The following CRBN variants were observed in gnomAD, a reference collection of about 807,000 sequenced individuals.
CRBN encodes the protein protein cereblon.
A neutral mutation model predicts 62.2 loss-of-function variants in CRBN; 53 were observed. That is an observed-to-expected ratio of 0.85 (90% CI 0.68 to 1.07). The LOEUF (loss-of-function observed/expected upper bound fraction) is 1.07. Among genes scored for constraint, CRBN ranks in the 50% least tolerant of loss-of-function variants. CRBN has a pLI of 0.00. For synonymous variants in CRBN, 208 were observed against 176.1 expected, an observed-to-expected ratio of 1.18 and a Z score of -1.43; for missense variants, 616 against 531.1, an observed-to-expected ratio of 1.16 and a Z score of -1.57.
chr3:3,153,779 T>C (rs1706745388), intron 8 of CRBN, 181 bp downstream of exon 8: 1 of 637,924 alleles, frequency 1.6e-6, no homozygotes, highest in Non-Finnish European at 2.8e-6. Flanking sequence ...ACTAAGTTGA[T>C]AAATGTATTC....
At chr3:3,178,898 T>G (rs966687040) in intron 1 of CRBN, among the ~76,000 whole-genome samples, 1 of 152,138 alleles carries the variant, frequency 6.6e-6, no homozygotes, top group African/African-American at 2.4e-5. Flanking sequence ...TTTTTTTTTT[T>G]GTTCAGTATT....
At chr3:3,179,581 G>A in intron 1 of CRBN, 40 bp downstream of exon 1, 1 of 1,595,574 alleles carries the variant, frequency 6.3e-7, no homozygotes, top group Non-Finnish European at 8.6e-7. Flanking sequence ...TCCGAGCCTC[G>A]CCCCACTCCC....
At chr3:3,168,904 CA>C (rs1707468082) in intron 4 of CRBN, among the ~76,000 whole-genome samples, 1 of 152,108 alleles carries the variant, frequency 6.6e-6, no homozygotes, top group South Asian at 2.1e-4. Flanking sequence ...AAATTATGGT[CA>C]AGTGTTCTTA....
chr3:3,150,884 TTGTC>T lies in CRBN; in HGVS notation c.1306_1309del (p.Asp436LysfsTer2), dbSNP rs1423184599. On this transcript the variant is annotated frameshift_variant, in exon 11 of 11. Transcript: ENST00000231948. LOFTEE classifies it high-confidence loss of function. ...ATCTGTTTACAAGCAAAGTATTACT[TTGTC>T]TGGACTTATTTCATCTTCAGTGTCT... The T allele has an allele frequency of 3.7e-6, 6 of 1,613,702 alleles. No homozygotes were observed. Among genetic ancestry groups the T allele is most frequent in the Admixed American group, 1.7e-5 (1 of 59,924 alleles).
chr3:3,150,518 A>ATT lies in CRBN; in HGVS notation c.*345_*346dup, dbSNP rs11320492. On this transcript the variant is annotated 3_prime_UTR_variant, in exon 11 of 11. Coordinates refer to ENST00000231948, the MANE Select transcript of CRBN (RefSeq NM_016302.4). ...CAGTTTCACATTGTAGGAATTTAAG[A>ATT]TTTTTTTTTTTTTTAACACAGGAAA... 30 of 186,080 alleles carry ATT rather than the reference A, an allele frequency of 1.6e-4. 1 individual carries two copies. Among genetic ancestry groups the ATT allele is most frequent in the South Asian group, 3.8e-4 (4 of 10,406 alleles). The allele number at this position is 186,080 out of a possible 1,614,324, so 11.5% of individuals were successfully genotyped here.
In CRBN at chr3:3,178,010, AAAC is replaced by A. The variant is rs1707895452; in HGVS notation, c.67+1608_67+1610del. ...TTTCTGAAAAACAAAAAACAAAACA[AAAC>A]AAACAAAAAAAAAACAAACAAAAAA... is the stretch of plus-strand genomic sequence containing the variant. On this transcript the variant is annotated intron_variant, in intron 1 of 10. Transcript: ENST00000231948. 1.4e-5 allele frequency among the ~76,000 whole-genome samples: 2 copies of A among 141,604 alleles called. 1 individual carries two copies. Among genetic ancestry groups the A allele is most frequent in the African/African-American group, 4.9e-5 (2 of 40,868 alleles). 92.9% of individuals were successfully genotyped at this position (141,604 alleles called of 152,430 possible). A position where few individuals can be genotyped will look rare whatever the true frequency, so the allele number is the denominator to read the frequency against.
chr3:3,163,921 T>C (rs1258187082), intron 5 of CRBN, among the ~76,000 whole-genome samples: 2 of 152,240 alleles, frequency 1.3e-5, no homozygotes, highest in Admixed American at 6.5e-5. Context: ...GCCTGTGCCA[T>C]ATTTTGGTAA....
At chr3:3,172,054 T>C (rs1707639900) in intron 4 of CRBN, 1 of 152,250 alleles carries the variant, frequency 6.6e-6, no homozygotes, top group South Asian at 2.1e-4. Flanking sequence ...AACTGGACTT[T>C]TTTGTGTCTG....
rs1289368172 is a variant in CRBN, at chr3:3,174,069, G to C, written c.367C>G (p.Leu123Val). Reference sequence around the variant, plus strand: ...ACTCTAATATTTTACCTGTATGCAAGAACAGCAAAGGTTCTATCTTTCTGA... The same window carrying C: ...ACTCTAATATTTTACCTGTATGCAACAACAGCAAAGGTTCTATCTTTCTGA... ...LIQKDRTFAV[L>V]AYSNVQEREA... The change falls in exon 3 of 11, where the codon CTT (leucine) becomes GTT (valine). Residue 123 changes from leucine to valine, a missense_variant. Transcript: ENST00000231948. 1.2e-6 allele frequency: 2 copies of C among 1,613,882 alleles called. No individual in the cohort carries two copies. Among genetic ancestry groups the C allele is most frequent in the Non-Finnish European group, 1.7e-6 (2 of 1,179,770 alleles).
intron 6 of CRBN, chr3:3,155,713 C>G (rs559305543): frequency 6.4e-6 from 1 of 155,508 alleles, no homozygotes; most frequent in African/African-American, 2.4e-5. Flanking sequence ...AAAACCAAAA[C>G]AGTAAAATAT....
In CRBN at chr3:3,172,870, G is replaced by C; in HGVS notation, c.433C>G (p.Arg145Gly). 6.2e-7 allele frequency: 1 copy of C among 1,613,176 alleles called. No homozygotes were observed. Among genetic ancestry groups the C allele is most frequent in the Non-Finnish European group, 8.5e-7 (1 of 1,179,258 alleles). Reference protein sequence around the residue: ...FGTTAEIYAYREEQDFGIEIV... With the variant: ...FGTTAEIYAYGEEQDFGIEIV... ...TCAATTCCAAAATCCTGTTCTTCTCGATAGGCATATATCTCTGCTGTTGTT... is the reference window on the plus strand; with the variant it reads ...TCAATTCCAAAATCCTGTTCTTCTCCATAGGCATATATCTCTGCTGTTGTT... Residue 145 changes from arginine to glycine, a missense_variant, in exon 4 of 11, where the codon CGA becomes GGA. Arg to Gly is a moderately radical substitution (Grantham distance 125). Coordinates refer to ENST00000231948, the MANE Select transcript of CRBN (RefSeq NM_016302.4).
intron 5 of CRBN, among the ~76,000 whole-genome samples, chr3:3,162,376 A>C (rs1275223797): frequency 6.6e-6 from 1 of 152,036 alleles, no homozygotes; most frequent in African/African-American, 2.4e-5. Context: ...ACAGTAAACC[A>C]GTGAATAGAG....
intron 8 of CRBN, 69 bp downstream of exon 8, chr3:3,153,891 C>G (rs1575081296): frequency 2.0e-6 from 2 of 977,674 alleles, no homozygotes; most frequent in Admixed American, 3.5e-5. Flanking sequence ...TCCATTGGCC[C>G]CAACAGAGCA....
At position 3,150,920 on chromosome 3, in the gene CRBN, G is replaced by T. The variant is rs566932471; in HGVS notation, c.1274C>A (p.Thr425Lys). The T allele has an allele frequency of 6.2e-7, 1 of 1,613,932 alleles. No individual in the cohort carries two copies. The highest frequency in any genetic ancestry group is 8.5e-7 in the Non-Finnish European group (1 of 1,179,936). Reference sequence around the variant, plus strand: ...TATTTCATCTTCAGTGTCTGGGATCGTGGGCAACAGAGCAGATCGCGTTAA... The same window carrying T: ...TATTTCATCTTCAGTGTCTGGGATCTTGGGCAACAGAGCAGATCGCGTTAA... The part of the protein sequence containing the change: ...WGLTRSALLP[T>K]IPDTEDEISP... Residue 425 changes from threonine to lysine, a missense_variant, in exon 11 of 11, where the codon ACG becomes AAG. Thr to Lys is a moderately conservative substitution (Grantham distance 78, BLOSUM62 -1). Coordinates refer to ENST00000231948, the MANE Select transcript of CRBN (RefSeq NM_016302.4).
chr3:3,153,845 A>C, intron 8 of CRBN, 115 bp downstream of exon 8: 1 of 712,124 alleles, frequency 1.4e-6, no homozygotes, highest in Non-Finnish European at 2.6e-6. Context: ...TTGAAATCTG[A>C]ATTGCATGAC....
rs116035135 is a variant in CRBN at position 3,162,242 on chromosome 3, A to G, written c.687+5392T>C. Among the ~76,000 whole-genome samples, 206 of 152,280 alleles carry G rather than the reference A, an allele frequency of 1.4e-3. 2 individuals are homozygous for G. The highest frequency in any genetic ancestry group is 6.8e-3 in the Middle Eastern group (2 of 294). ...TAAGCCTTGATATATGAATAAGCAG[A>G]TGGTCTGGGCAAGCAGGGAATATAC... On this transcript the variant is annotated intron_variant, in intron 5 of 10. Transcript: ENST00000231948.
At chr3:3,156,960 T>A (rs575565838) in intron 5 of CRBN, among the ~76,000 whole-genome samples, 87 of 152,330 alleles carry the variant, frequency 5.7e-4, no homozygotes, top group Admixed American at 2.5e-3. Flanking sequence ...GAAATGTGAA[T>A]TGTAGAAATT....
intron 2 of CRBN, 68 bp from the exon 3 acceptor site, chr3:3,174,329 T>G: frequency 8.1e-7 from 1 of 1,234,136 alleles, no homozygotes; most frequent in Non-Finnish European, 1.2e-6. Flanking sequence ...CTCAACAGAC[T>G]AAAGAGCAAA....
At chr3:3,157,009 TA>T (rs924366657) in intron 5 of CRBN, among the ~76,000 whole-genome samples, 1 of 152,234 alleles carries the variant, frequency 6.6e-6, no homozygotes, top group Admixed American at 6.5e-5. Context: ...TCAATACTGT[TA>T]AGATGTCAGT....
Sources: gnomAD v4.1 joint callset for allele counts (sites outside exome capture counted in the v4.1 genomes callset) on GRCh38, gnomAD v4.1.1 for gene constraint, MANE v1.5 for transcripts, NCBI Gene and HGNC (gene_info 2026-07-23, HGNC 2026-07-21) for gene names.